IWS1: variants seen among roughly 807,000 people sequenced by gnomAD.
IWS1 encodes the protein interacts with SUPT6H, CTD assembly factor 1.
A neutral mutation model predicts 86.7 loss-of-function variants in IWS1; 27 were observed. The ratio of observed to expected loss-of-function variants is 0.31; its 90% confidence interval spans 0.23 to 0.43. The LOEUF is 0.43. Ranked by LOEUF, IWS1 falls within the 20% of genes least tolerant of loss-of-function variation. The probability of loss-of-function intolerance (pLI) is 1.00; values close to 1 mark genes in which losing one functional copy is unlikely to be tolerated. For missense variants in IWS1, 827 were observed against 1,000.8 expected, an observed-to-expected ratio of 0.83 and a Z score of 2.34; for synonymous variants, 313 against 335.1, an observed-to-expected ratio of 0.93 and a Z score of 0.72.
At chr2:127,518,456 G>A (rs1280343140) in intron 2 of IWS1, among the ~76,000 whole-genome samples, 1 of 152,026 alleles carries the variant, frequency 6.6e-6, no homozygotes. Flanking sequence ...TGAGGCTGCA[G>A]TGAGCTGTGA....
At chr2:127,519,775 C>A (rs1691986068) in intron 2 of IWS1, among the ~76,000 whole-genome samples, 1 of 151,962 alleles carries the variant, frequency 6.6e-6, no homozygotes. Flanking sequence ...TCCAGGTAGG[C>A]CCAATTATAA....
At chr2:127,485,811 C>T (rs1689898897) in intron 13 of IWS1, 1 of 152,318 alleles carries the variant, frequency 6.6e-6, no homozygotes, top group African/African-American at 2.4e-5. Flanking sequence ...CACACACACA[C>T]ACTTTTCACT....
At chr2:127,521,176 T>C (rs896616574) in intron 2 of IWS1, among the ~76,000 whole-genome samples, 1 of 152,172 alleles carries the variant, frequency 6.6e-6, no homozygotes, top group African/African-American at 2.4e-5. Context: ...TGCTTGAACC[T>C]GGGAGGCGGA....
chr2:127,482,088 T>C (rs1459836558), intron 13 of IWS1, among the ~76,000 whole-genome samples: 1 of 152,218 alleles, frequency 6.6e-6, no homozygotes, highest in Non-Finnish European at 1.5e-5. Flanking sequence ...TTCAGATGTT[T>C]AAGAATGATG....
At position 127,489,519 on chromosome 2, in the gene IWS1, T is replaced by G. The variant is rs987827704; in HGVS notation, c.2160-284A>C. 2.0e-6 allele frequency: 1 copy of G among 496,984 alleles called. No individual in the cohort carries two copies. Among genetic ancestry groups the G allele is most frequent in the South Asian group, 3.0e-5 (1 of 33,332 alleles). The allele number at this position is 496,984 out of a possible 1,614,324, so 30.8% of individuals were successfully genotyped here. ...ATCAATACAAACTAAAACTATAACA[T>G]TTTTTCTTCTAGGAACTCGGAAACG... On this transcript the variant is annotated intron_variant, in intron 11 of 13. Coordinates refer to ENST00000295321, the MANE Select transcript of IWS1 (RefSeq NM_017969.3). The surrounding 1 kb of genome is among the most constrained non-coding windows in gnomAD (Gnocchi z 4.8).
intron 5 of IWS1, among the ~76,000 whole-genome samples, chr2:127,502,225 C>T (rs1690860084): frequency 6.6e-6 from 1 of 152,172 alleles, no homozygotes; most frequent in Non-Finnish European, 1.5e-5. Context: ...TCTCTGAAGT[C>T]TCAATCCAGG....
In IWS1 at chr2:127,481,442, A is replaced by AG. The variant is rs371899937; in HGVS notation, c.2329-268dup. Among the ~76,000 whole-genome samples, 1,236 of 150,864 alleles carry AG rather than the reference A, an allele frequency of 8.2e-3. 12 individuals are homozygous for AG. Among genetic ancestry groups the AG allele is most frequent in the African/African-American group, 0.024 (995 of 41,138 alleles). On this transcript the variant is annotated intron_variant, in intron 13 of 13. Transcript: ENST00000295321. ...CATGGAGGTCTCCTAGATGGGAGAA[A>AG]GGGGGGGGGAAACTGAGACTATGAT... is the stretch of plus-strand genomic sequence containing the variant.
intron 2 of IWS1, among the ~76,000 whole-genome samples, chr2:127,506,158 A>C (rs1439987220): frequency 1.3e-5 from 2 of 152,206 alleles, no homozygotes; most frequent in Non-Finnish European, 2.9e-5. Flanking sequence ...ACCTGAGGTC[A>C]GGAGTTCGAG....
intron 9 of IWS1, chr2:127,493,068 A>G: frequency 2.6e-6 from 1 of 386,472 alleles, no homozygotes; most frequent in Non-Finnish European, 4.6e-6. Flanking sequence ...CAGCTACTCT[A>G]AGATTTTTTC....
intron 13 of IWS1, among the ~76,000 whole-genome samples, chr2:127,481,989 G>A (rs1689657468): frequency 6.6e-6 from 1 of 152,128 alleles, no homozygotes; most frequent in African/African-American, 2.4e-5. Context: ...TTTATATTTT[G>A]AAAATACTGC....
At chr2:127,525,995 C>G (rs1692386287) in intron 1 of IWS1, among the ~76,000 whole-genome samples, 180 bp downstream of exon 1, 1 of 152,260 alleles carries the variant, frequency 6.6e-6, no homozygotes, top group Non-Finnish European at 1.5e-5. Flanking sequence ...CCAGAATCCC[C>G]TCTCCAACGT....
intron 12 of IWS1, among the ~76,000 whole-genome samples, chr2:127,487,190 T>TA (rs778775726): frequency 1.3e-5 from 2 of 152,166 alleles, no homozygotes; most frequent in African/African-American, 2.4e-5. Context: ...AATGAAGTTG[T>TA]AAAAAATGAT....
At chr2:127,526,817 G>T, upstream of IWS1, 1 of 631,474 alleles carries the variant, frequency 1.6e-6, no homozygotes, top group Non-Finnish European at 2.4e-6. Context: ...TTCCCGTCAG[G>T]CCCAGAGGCG....
rs1053370951 is a variant in IWS1 at position 127,480,894 on chromosome 2, A to G, written c.*150T>C. ...TACAAAGTACACAACGGTTTTAAATATAACTGAGAGAAATGTGAGTCCTAT... is the reference window on the plus strand; with the variant it reads ...TACAAAGTACACAACGGTTTTAAATGTAACTGAGAGAAATGTGAGTCCTAT... On this transcript the variant is annotated 3_prime_UTR_variant, in exon 14 of 14. Transcript: ENST00000295321. The G allele has an allele frequency of 1.4e-5, 11 of 787,264 alleles. No individual in the cohort carries two copies. Among genetic ancestry groups the G allele is most frequent in the African/African-American group, 3.6e-5 (2 of 56,150 alleles). The allele number at this position is 787,264 out of a possible 1,614,324, so 48.8% of individuals were successfully genotyped here.
At chr2:127,525,164 T>C (rs2104753595) in intron 1 of IWS1, among the ~76,000 whole-genome samples, 2 of 150,906 alleles carry the variant, frequency 1.3e-5, no homozygotes, top group Admixed American at 1.3e-4. Context: ...TCTCACTATG[T>C]TGCCCAGGCT....
intron 2 of IWS1, among the ~76,000 whole-genome samples, chr2:127,518,147 G>A (rs185211367): frequency 5.3e-5 from 8 of 152,300 alleles, no homozygotes; most frequent in Admixed American, 4.6e-4. Flanking sequence ...CAACTGTGGC[G>A]ATAGCTGGGC....
At chr2:127,498,077 T>A in intron 6 of IWS1, 63 bp downstream of exon 6, 2 of 1,276,176 alleles carry the variant, frequency 1.6e-6, no homozygotes, top group South Asian at 1.3e-5. Context: ...CAAAAGAGAG[T>A]TTAATAGTCT....
chr2:127,501,455 T>C (rs1016261042), intron 5 of IWS1, among the ~76,000 whole-genome samples: 3 of 152,244 alleles, frequency 2.0e-5, no homozygotes, highest in Non-Finnish European at 4.4e-5. Context: ...GTGTACAACT[T>C]CGAGAATCTA....
At chr2:127,496,553 A>ACG (rs1459115253) in intron 6 of IWS1, among the ~76,000 whole-genome samples, 1 of 130,500 alleles carries the variant, frequency 7.7e-6, no homozygotes, top group East Asian at 2.0e-4. Flanking sequence ...TTTATCATAC[A>ACG]CACACACACA....
Sources: gnomAD v4.1 joint callset for allele counts (sites outside exome capture counted in the v4.1 genomes callset) on GRCh38, gnomAD v4.1.1 for gene constraint, Gnocchi (gnomAD v3.1) non-coding constraint, MANE v1.5 for transcripts, NCBI Gene and HGNC (gene_info 2026-07-23, HGNC 2026-07-21) for gene names.